The following RBMS3 variants were observed in gnomAD, a reference collection of about 807,000 sequenced individuals.
The protein encoded by RBMS3 is RNA-binding motif, single-stranded-interacting protein 3.
In RBMS3, 27 loss-of-function variants were observed where a neutral mutation model predicts 66.8. The observed-to-expected ratio is 0.40, with a 90% CI of 0.30 to 0.56. RBMS3 has a LOEUF of 0.56. Among genes scored for constraint, RBMS3 ranks in the 20% least tolerant of loss-of-function variants. The pLI is 0.40. For missense variants in RBMS3, 513 were observed against 549.5 expected (o/e 0.93, Z 0.66); for synonymous variants, 188 against 183.0 (o/e 1.03, Z -0.22).
chr3:29,443,265 T>C (rs2041694189), intron 2 of RBMS3, among the ~76,000 whole-genome samples: 1 of 152,106 alleles, frequency 6.6e-6, no homozygotes, highest in Non-Finnish European at 1.5e-5. Context: ...ACCCAATAGC[T>C]CGTCTGCTTC....
At chr3:29,725,892 C>A (rs1165401449) in intron 4 of RBMS3, among the ~76,000 whole-genome samples, 1 of 152,122 alleles carries the variant, frequency 6.6e-6, no homozygotes, top group African/African-American at 2.4e-5. Context: ...CAAAACCTGG[C>A]AGAGACACAA....
At chr3:29,800,566 T>A (rs2057356523) in intron 6 of RBMS3, among the ~76,000 whole-genome samples, 1 of 152,194 alleles carries the variant, frequency 6.6e-6, no homozygotes, top group Non-Finnish European at 1.5e-5. Context: ...CATAAAATCA[T>A]CAAATTTCAA....
At chr3:29,808,473 T>C (rs1260836834) in intron 6 of RBMS3, among the ~76,000 whole-genome samples, 1 of 151,954 alleles carries the variant, frequency 6.6e-6, no homozygotes, top group Non-Finnish European at 1.5e-5. Context: ...ATTTTGCAAT[T>C]TGAAACAGAG....
intron 12 of RBMS3, among the ~76,000 whole-genome samples, chr3:29,968,807 T>A (rs1291097691): frequency 6.6e-6 from 1 of 152,242 alleles, no homozygotes; most frequent in Non-Finnish European, 1.5e-5. Flanking sequence ...AAATTCACAG[T>A]GCAAGCCTCC....
chr3:29,390,426 A>G (rs2039236441), intron 1 of RBMS3, among the ~76,000 whole-genome samples: 1 of 152,236 alleles, frequency 6.6e-6, no homozygotes, highest in South Asian at 2.1e-4. Context: ...CTGACTATCA[A>G]TGCATTTCAT....
chr3:29,580,150 A>G (rs2047274032), intron 3 of RBMS3, among the ~76,000 whole-genome samples: 1 of 152,190 alleles, frequency 6.6e-6, no homozygotes, highest in Non-Finnish European at 1.5e-5. Context: ...TCTGCTAGGA[A>G]ATACCATTGG....
intron 7 of RBMS3, among the ~76,000 whole-genome samples, chr3:29,883,271 A>T (rs2059780065): frequency 6.6e-6 from 1 of 152,062 alleles, no homozygotes; most frequent in African/African-American, 2.4e-5. Context: ...AGGAATGGAA[A>T]GGAGCCCATA....
At chr3:29,965,980 G>C (rs1238949514) in intron 12 of RBMS3, among the ~76,000 whole-genome samples, 1 of 152,096 alleles carries the variant, frequency 6.6e-6, no homozygotes, top group Non-Finnish European at 1.5e-5. Flanking sequence ...TTGTTGAAAA[G>C]GGTGTCCTTT....
At chr3:29,695,543 T>C (rs192784057) in intron 4 of RBMS3, among the ~76,000 whole-genome samples, 1 of 152,318 alleles carries the variant, frequency 6.6e-6, no homozygotes, top group African/African-American at 2.4e-5. Flanking sequence ...AGAGTTGTTA[T>C]TCTGTTGGCT....
chr3:29,939,925 T>A (rs1248065391), intron 11 of RBMS3, among the ~76,000 whole-genome samples: 1 of 151,828 alleles, frequency 6.6e-6, no homozygotes, highest in African/African-American at 2.4e-5. Flanking sequence ...ACTAATCTCA[T>A]GAGCTTTCCA....
At chr3:29,433,016 A>G (rs1163062143) in intron 1 of RBMS3, among the ~76,000 whole-genome samples, 1 of 152,060 alleles carries the variant, frequency 6.6e-6, no homozygotes, top group Non-Finnish European at 1.5e-5. Flanking sequence ...AGGACATCTC[A>G]TTATTTACCC....
chr3:29,701,314 G>A (rs984175971), intron 4 of RBMS3, among the ~76,000 whole-genome samples: 1 of 152,122 alleles, frequency 6.6e-6, no homozygotes, highest in Non-Finnish European at 1.5e-5. Flanking sequence ...TTTAAGTAGT[G>A]AATGTTACCT....
chr3:29,489,156 A>G (rs1447638065), intron 3 of RBMS3, among the ~76,000 whole-genome samples: 3 of 152,186 alleles, frequency 2.0e-5, no homozygotes, highest in Non-Finnish European at 2.9e-5. Flanking sequence ...GAAAATTGGA[A>G]TGCTTCTTGT....
At chr3:29,489,047 A>G (rs1005207734) in intron 3 of RBMS3, among the ~76,000 whole-genome samples, 1 of 152,166 alleles carries the variant, frequency 6.6e-6, no homozygotes, top group Non-Finnish European at 1.5e-5. Context: ...TCTGTGGCTC[A>G]TGTTTCTTCA....
intron 1 of RBMS3, among the ~76,000 whole-genome samples, chr3:29,296,729 C>A (rs943216848): frequency 2.0e-5 from 3 of 151,686 alleles, no homozygotes; most frequent in African/African-American, 7.3e-5. Flanking sequence ...AAAAGTTAGA[C>A]CAAGAATGTG....
At chr3:29,496,610 G>T (rs2043764011) in intron 3 of RBMS3, among the ~76,000 whole-genome samples, 1 of 152,078 alleles carries the variant, frequency 6.6e-6, no homozygotes, top group African/African-American at 2.4e-5. Context: ...TTTATTTGTT[G>T]TCTACAACCC....
intron 6 of RBMS3, among the ~76,000 whole-genome samples, chr3:29,779,873 T>A (rs1044144289): frequency 6.7e-6 from 1 of 150,286 alleles, no homozygotes; most frequent in Non-Finnish European, 1.5e-5. Context: ...CTTTTTTTTT[T>A]AATTCAATAA....
In RBMS3 at chr3:29,944,269, ATTCTT is replaced by A. The variant is rs1313959998; in HGVS notation, c.1098+18_1098+22del. On this transcript the variant is annotated intron_variant, in intron 12 of 14. Coordinates refer to ENST00000383767, the MANE Select transcript of RBMS3 (RefSeq NM_001003793.3). Reference sequence around the variant, plus strand: ...TGTTGTGTCAGGTAGGAAAATTCTAATTCTTTTAAGACTGGATTGGAGGGGAGAGA... The same window carrying A: ...TGTTGTGTCAGGTAGGAAAATTCTAATTAAGACTGGATTGGAGGGGAGAGA... 2 of 1,569,500 alleles carry A rather than the reference ATTCTT, an allele frequency of 1.3e-6. No homozygotes were observed. Among genetic ancestry groups the A allele is most frequent in the Non-Finnish European group, 1.8e-6 (2 of 1,140,472 alleles).
At chr3:29,418,647 G>A (rs1336919615) in intron 1 of RBMS3, among the ~76,000 whole-genome samples, 4 of 152,072 alleles carry the variant, frequency 2.6e-5, no homozygotes, top group Non-Finnish European at 5.9e-5. Flanking sequence ...GTGATGTAGT[G>A]TATACTTTGA....
Sources: allele counts gnomAD v4.1 joint callset (sites outside exome capture counted in the v4.1 genomes callset), GRCh38; gene constraint gnomAD v4.1.1; transcripts MANE v1.5; gene names NCBI Gene and HGNC (gene_info 2026-07-23, HGNC 2026-07-21).